Variants in DAB1 observed in about 807,000 individuals in gnomAD.
DAB1 encodes the protein disabled homolog 1.
A neutral mutation model predicts 64.6 loss-of-function variants in DAB1; 15 were observed. That is an observed-to-expected ratio of 0.23 (90% CI 0.16 to 0.36). DAB1 has a LOEUF of 0.36. Ranked by LOEUF, DAB1 falls within the 10% of genes least tolerant of loss-of-function variation. DAB1 has a pLI of 1.00. For missense variants in DAB1, 596 were observed against 706.7 expected (o/e 0.84, Z 1.78); for synonymous variants, 235 against 251.9 (o/e 0.93, Z 0.64).
At chr1:58,048,740 C>A (rs1647415425) in intron 5 of DAB1, 2 of 1,303,638 alleles carry the variant, frequency 1.5e-6, no homozygotes, top group Admixed American at 1.7e-5. Context: ...CTAGCCATCT[C>A]TTGCTTTGAC....
At chr1:57,024,082 C>T (rs867906314) in intron 10 of DAB1, among the ~76,000 whole-genome samples, 1 of 152,034 alleles carries the variant, frequency 6.6e-6, no homozygotes, top group Non-Finnish European at 1.5e-5. Context: ...TCAGGGGTTG[C>T]AATTTAATAC....
chr1:57,598,295 T>G (rs1459074036), intron 7 of DAB1, among the ~76,000 whole-genome samples: 1 of 152,252 alleles, frequency 6.6e-6, no homozygotes, highest in Non-Finnish European at 1.5e-5. Context: ...ATCCACATTT[T>G]AAATAAGCTC....
At chr1:57,008,541 A>G (rs1646165824) in intron 14 of DAB1, among the ~76,000 whole-genome samples, 1 of 152,212 alleles carries the variant, frequency 6.6e-6, no homozygotes, top group Non-Finnish European at 1.5e-5. Context: ...TTTAGTTCAC[A>G]TAATAACCCT....
intron 5 of DAB1, among the ~76,000 whole-genome samples, chr1:58,110,758 T>C (rs1281509536): frequency 6.6e-6 from 1 of 152,238 alleles, no homozygotes; most frequent in Non-Finnish European, 1.5e-5. Context: ...TCTGCTAACT[T>C]AGAATATAAA....
chr1:58,303,796 T>A (rs1459013349), intron 4 of DAB1, among the ~76,000 whole-genome samples: 1 of 152,210 alleles, frequency 6.6e-6, no homozygotes, highest in Non-Finnish European at 1.5e-5. Flanking sequence ...ACTGTAAATG[T>A]CATAGGAGAG....
chr1:57,503,082 G>A (rs1264862658), intron 7 of DAB1, among the ~76,000 whole-genome samples: 2 of 152,184 alleles, frequency 1.3e-5, no homozygotes, highest in South Asian at 4.1e-4. Context: ...ATTCAACTTT[G>A]GTTGGCTTGA....
At chr1:57,563,338 G>A (rs920129772) in intron 7 of DAB1, among the ~76,000 whole-genome samples, 3 of 152,132 alleles carry the variant, frequency 2.0e-5, no homozygotes, top group East Asian at 1.9e-4. Context: ...TAGGAACAGC[G>A]CCAGTCTACA....
chr1:57,654,075 A>C (rs1485342000), intron 6 of DAB1, among the ~76,000 whole-genome samples: 1 of 152,218 alleles, frequency 6.6e-6, no homozygotes, highest in East Asian at 1.9e-4. Context: ...CTACATGCTA[A>C]AATACAATAG....
intron 5 of DAB1, among the ~76,000 whole-genome samples, chr1:57,927,814 T>C (rs1029582073): frequency 1.6e-4 from 25 of 152,336 alleles, no homozygotes; most frequent in African/African-American, 5.8e-4. Flanking sequence ...GAACTCTTTT[T>C]TATCCCCAAC....
intron 5 of DAB1, among the ~76,000 whole-genome samples, chr1:57,906,730 TTGTTA>T (rs1234332095): frequency 6.6e-6 from 1 of 152,110 alleles, no homozygotes; most frequent in Non-Finnish European, 1.5e-5. Context: ...AGAGAGAACC[TTGTTA>T]TGTTAAGATT....
intron 4 of DAB1, among the ~76,000 whole-genome samples, chr1:58,203,493 C>T (rs1365248039): frequency 6.6e-6 from 1 of 152,190 alleles, no homozygotes; most frequent in Non-Finnish European, 1.5e-5. Flanking sequence ...GAAACATATG[C>T]TAACTCTTCT....
At chr1:58,528,748 C>T (rs1646389043) in intron 1 of DAB1, among the ~76,000 whole-genome samples, 1 of 152,142 alleles carries the variant, frequency 6.6e-6, no homozygotes, top group Non-Finnish European at 1.5e-5. Flanking sequence ...ATTCCCACAC[C>T]CTAATGACTT....
Position 58,321,276 on chromosome 1 carries a change from GA to G in DAB1, n.309+22075del, listed in dbSNP as rs542290606. Among the ~76,000 whole-genome samples, 27 of 152,322 alleles carry G rather than the reference GA, an allele frequency of 1.8e-4. 1 individual carries two copies. In the South Asian group the frequency reaches 5.6e-3, roughly 32 times the overall value. On this transcript the variant is annotated intron_variant and non_coding_transcript_variant, in intron 4 of 20. Coordinates refer to the DAB1 transcript ENST00000485760. Reference sequence around the variant, plus strand: ...CCTCTTTATGCTGCAGCAGTGTCTGGAAAGAGTTCTCTTAATATTCATCATT... The same window carrying G: ...CCTCTTTATGCTGCAGCAGTGTCTGGAAGAGTTCTCTTAATATTCATCATT...
At chr1:58,018,978 C>A (rs182230163) in intron 5 of DAB1, among the ~76,000 whole-genome samples, 14 of 152,248 alleles carry the variant, frequency 9.2e-5, no homozygotes, top group Non-Finnish European at 1.6e-4. Flanking sequence ...AAAGGATACA[C>A]CATGAGACTT....
At chr1:57,586,217 T>G (rs1441085121) in intron 7 of DAB1, among the ~76,000 whole-genome samples, 1 of 152,194 alleles carries the variant, frequency 6.6e-6, no homozygotes, top group Non-Finnish European at 1.5e-5. Context: ...AGAAGGTGAC[T>G]AAGAGAAACT....
At chr1:57,168,233 C>T (rs1167260331) in intron 2 of DAB1, among the ~76,000 whole-genome samples, 1 of 152,200 alleles carries the variant, frequency 6.6e-6, no homozygotes, top group Non-Finnish European at 1.5e-5. Flanking sequence ...TTTCTCACTT[C>T]CCTTCAAACC....
intron 3 of DAB1, among the ~76,000 whole-genome samples, chr1:58,419,395 G>A (rs1302214656): frequency 1.3e-5 from 2 of 152,176 alleles, no homozygotes; most frequent in Non-Finnish European, 2.9e-5. Context: ...CTGGTAAACT[G>A]TAAGGAGATA....
upstream of DAB1, among the ~76,000 whole-genome samples, chr1:57,886,792 C>A (rs539658934): frequency 7.9e-5 from 12 of 152,116 alleles, no homozygotes; most frequent in Non-Finnish European, 1.8e-4. Flanking sequence ...ATCCTACCAG[C>A]TGTGTGATAT....
intron 5 of DAB1, among the ~76,000 whole-genome samples, chr1:57,907,568 G>A (rs918316147): frequency 3.3e-5 from 5 of 152,086 alleles, no homozygotes; most frequent in African/African-American, 9.7e-5. Flanking sequence ...AGCTGTCAAC[G>A]ACCCTATGAG....
Sources: allele counts gnomAD v4.1 joint callset (sites outside exome capture counted in the v4.1 genomes callset), GRCh38; gene constraint gnomAD v4.1.1; transcripts MANE v1.5; gene names NCBI Gene and HGNC (gene_info 2026-07-23, HGNC 2026-07-21).